The following LRRC28 variants were observed in gnomAD, a reference collection of about 807,000 sequenced individuals.
LRRC28 encodes the protein leucine rich repeat containing 28, also known as leucine-rich repeat-containing protein 28.
Under a neutral mutation model 45.7 loss-of-function variants are expected in LRRC28, and 39 were observed. The ratio of observed to expected loss-of-function variants is 0.85; its 90% confidence interval spans 0.66 to 1.12. The LOEUF is 1.12. Among genes scored for constraint, LRRC28 ranks in the 50% most tolerant of loss-of-function variants. The probability of loss-of-function intolerance (pLI) is 0.00; values close to 1 mark genes in which losing one functional copy is unlikely to be tolerated. For synonymous variants in LRRC28, 206 were observed against 178.8 expected (o/e 1.15, Z -1.22); for missense variants, 435 against 438.5 (o/e 0.99, Z 0.07).
At chr15:99,330,697 C>G (rs1956132892) in intron 5 of LRRC28, among the ~76,000 whole-genome samples, 2 of 152,200 alleles carry the variant, frequency 1.3e-5, no homozygotes, top group South Asian at 2.1e-4. Context: ...GTTATTTAGT[C>G]TGTTCACATC....
chr15:99,370,030 GTAC>G (rs1316528902), intron 9 of LRRC28, among the ~76,000 whole-genome samples: 2 of 152,154 alleles, frequency 1.3e-5, no homozygotes, highest in African/African-American at 4.8e-5. Context: ...TGTAAGATAG[GTAC>G]TATCATTAAG....
At chr15:99,353,021 A>G (rs1956934263) in intron 7 of LRRC28, among the ~76,000 whole-genome samples, 1 of 152,216 alleles carries the variant, frequency 6.6e-6, no homozygotes, top group Non-Finnish European at 1.5e-5. Context: ...CAGATATTTC[A>G]GTTAATGGGC....
In LRRC28 at chr15:99,378,658, A is replaced by G. The variant is rs113814655; in HGVS notation, c.1032-7372A>G. ...TGCTTCCAGTTTTTGCCCATTCAGTATGATATTGGCTGTGGGTTTGTCATA... is the reference window on the plus strand; with the variant it reads ...TGCTTCCAGTTTTTGCCCATTCAGTGTGATATTGGCTGTGGGTTTGTCATA... On this transcript the variant is annotated intron_variant, in intron 9 of 9. Coordinates refer to ENST00000301981, the MANE Select transcript of LRRC28 (RefSeq NM_144598.5). 5.3e-5 allele frequency among the ~76,000 whole-genome samples: 8 copies of G among 152,284 alleles called. 1 individual carries two copies. Among genetic ancestry groups the G allele is most frequent in the African/African-American group, 1.9e-4 (8 of 41,554 alleles).
chr15:99,374,557 T>C (rs913228923), intron 9 of LRRC28, among the ~76,000 whole-genome samples: 2 of 152,204 alleles, frequency 1.3e-5, no homozygotes, highest in Non-Finnish European at 2.9e-5. Flanking sequence ...GGAATAGTTT[T>C]ATTTCTTCCC....
intron 5 of LRRC28, among the ~76,000 whole-genome samples, chr15:99,308,438 A>G (rs1955270553): frequency 6.6e-6 from 1 of 152,178 alleles, no homozygotes; most frequent in South Asian, 2.1e-4. Flanking sequence ...AGGCCGAGGT[A>G]GGAGGATCGC....
intron 7 of LRRC28, among the ~76,000 whole-genome samples, chr15:99,354,902 T>C (rs549379448): frequency 9.8e-5 from 15 of 152,294 alleles, no homozygotes; most frequent in Middle Eastern, 3.4e-3. Context: ...CCTTTTCAGA[T>C]TGAGGGTCTA....
chr15:99,256,229 G>T, intron 2 of LRRC28, 104 bp downstream of exon 2: 1 of 817,406 alleles, frequency 1.2e-6, no homozygotes, highest in Non-Finnish European at 1.8e-6. Flanking sequence ...TATATCCCCT[G>T]TTGTTATATA....
At chr15:99,284,294 A>T (rs2081895761) in intron 3 of LRRC28, among the ~76,000 whole-genome samples, 1 of 152,146 alleles carries the variant, frequency 6.6e-6, no homozygotes, top group Admixed American at 6.5e-5. Context: ...TTTTTTAAAG[A>T]TACATTTATT....
At chr15:99,296,126 T>C (rs2082255562) in intron 5 of LRRC28, among the ~76,000 whole-genome samples, 1 of 152,242 alleles carries the variant, frequency 6.6e-6, no homozygotes, top group South Asian at 2.1e-4. Flanking sequence ...TGTATTGGCA[T>C]AGGCTGCTGT....
intron 5 of LRRC28, among the ~76,000 whole-genome samples, chr15:99,322,176 C>A (rs756755256): frequency 1.3e-5 from 2 of 152,012 alleles, no homozygotes; most frequent in Non-Finnish European, 2.9e-5. Context: ...AGAGGTGGGC[C>A]AGGGCTGATC....
At chr15:99,282,692 G>A (rs1262722135) in intron 3 of LRRC28, among the ~76,000 whole-genome samples, 1 of 152,112 alleles carries the variant, frequency 6.6e-6, no homozygotes, top group Non-Finnish European at 1.5e-5. Flanking sequence ...ATACCATCTA[G>A]GTTTGTGTAA....
chr15:99,280,854 T>C (rs538955327), intron 3 of LRRC28, among the ~76,000 whole-genome samples: 1 of 152,324 alleles, frequency 6.6e-6, no homozygotes, highest in Admixed American at 6.5e-5. Flanking sequence ...GTTAGACTGT[T>C]TAATACTGTC....
intron 6 of LRRC28, among the ~76,000 whole-genome samples, chr15:99,346,971 G>T (rs982699006): frequency 3.9e-5 from 6 of 152,038 alleles, no homozygotes; most frequent in African/African-American, 1.2e-4. Context: ...TAGTAAAGTG[G>T]TTACTGTAGA....
rs1955857125 is a variant in LRRC28 at position 99,323,143 on chromosome 15, T to C, written c.386-10780T>C. On this transcript the variant is annotated intron_variant, in intron 5 of 9. Coordinates refer to ENST00000301981, the MANE Select transcript of LRRC28 (RefSeq NM_144598.5). ...ATCTCAGAACAGAAGCATCAAAGTTTATTTGTATTATTAAGCATAATTTAC... is the reference window on the plus strand; with the variant it reads ...ATCTCAGAACAGAAGCATCAAAGTTCATTTGTATTATTAAGCATAATTTAC... Among the ~76,000 whole-genome samples, 4 of 152,338 alleles carry C rather than the reference T, an allele frequency of 2.6e-5. No individual in the cohort carries two copies. The South Asian group carries it at 8.3e-4, about 32-fold the overall frequency.
Position 99,361,510 on chromosome 15 carries a change from A to G in LRRC28, c.870A>G (p.Lys290=). ...GLYHTYHSLL[K]DLNFLSPISL... ...ATCATACCTACCACAGCTTGCTGAA[A>G]GGTACGTGGGACTTCTGGTTTTCTT... Residue 290 remains lysine (K), a splice_region_variant and synonymous_variant, in exon 8 of 10, where the codon AAA becomes AAG. Transcript: ENST00000301981. 1.9e-6 allele frequency: 3 copies of G among 1,595,784 alleles called. No homozygotes were observed. The highest frequency in any genetic ancestry group is 2.6e-6 in the Non-Finnish European group (3 of 1,172,466).
chr15:99,349,862 C>T (rs1597400487), intron 6 of LRRC28, among the ~76,000 whole-genome samples: 1 of 152,258 alleles, frequency 6.6e-6, no homozygotes, highest in East Asian at 1.9e-4. Flanking sequence ...TGCGGCCGGG[C>T]GCGGTGGCTC....
At chr15:99,365,870 A>G (rs1405373277) in intron 9 of LRRC28, among the ~76,000 whole-genome samples, 2 of 152,244 alleles carry the variant, frequency 1.3e-5, no homozygotes, top group African/African-American at 2.4e-5. Context: ...TATTTATAGC[A>G]AAGAAGAATA....
chr15:99,325,860 G>C (rs1483930779), intron 5 of LRRC28, among the ~76,000 whole-genome samples: 2 of 152,218 alleles, frequency 1.3e-5, no homozygotes, highest in African/African-American at 2.4e-5. Flanking sequence ...AGCCAGGGCA[G>C]AGTTTGGGGC....
chr15:99,371,554 A>G (rs1458110697), intron 9 of LRRC28, among the ~76,000 whole-genome samples: 4 of 152,112 alleles, frequency 2.6e-5, no homozygotes, highest in Middle Eastern at 3.2e-3. Context: ...TGGTTTCCTC[A>G]CTTATGAAAT....
Sources: gnomAD v4.1 joint callset for allele counts (sites outside exome capture counted in the v4.1 genomes callset) on GRCh38, gnomAD v4.1.1 for gene constraint, MANE v1.5 for transcripts, NCBI Gene and HGNC (gene_info 2026-07-23, HGNC 2026-07-21) for gene names.